The following MAML2 variants were observed in gnomAD, a reference collection of about 807,000 sequenced individuals.
MAML2 encodes mastermind like transcriptional coactivator 2.
Under a neutral mutation model 96.1 loss-of-function variants are expected in MAML2, and 22 were observed. The observed-to-expected ratio is 0.23, with a 90% CI of 0.16 to 0.33. The LOEUF (loss-of-function observed/expected upper bound fraction) is 0.33. MAML2 is among the 10% of genes least tolerant of loss of function. MAML2 has a pLI of 1.00. For synonymous variants in MAML2, 561 were observed against 521.3 expected (o/e 1.08, Z -1.04); for missense variants, 1,367 against 1,392.4 (o/e 0.98, Z 0.29).
intron 2 of MAML2, among the ~76,000 whole-genome samples, chr11:96,075,192 C>A (rs1395258295): frequency 3.9e-5 from 6 of 152,106 alleles, no homozygotes; most frequent in Non-Finnish European, 8.8e-5. Context: ...CATAATATTC[C>A]CCCAAGTGAA....
intron 1 of MAML2, among the ~76,000 whole-genome samples, chr11:96,191,567 G>A (rs1817960272): frequency 6.6e-6 from 1 of 151,734 alleles, no homozygotes; most frequent in African/African-American, 2.4e-5. Flanking sequence ...GAGGTCAAGA[G>A]ATGGAGACCA....
At chr11:96,105,352 C>T (rs998635522) in intron 1 of MAML2, among the ~76,000 whole-genome samples, 8 of 152,192 alleles carry the variant, frequency 5.3e-5, no homozygotes, top group South Asian at 2.1e-4. Context: ...CAATTCTCCC[C>T]TCAATGCACA....
chr11:96,106,980 CTTTT>C (rs71040129), intron 1 of MAML2, among the ~76,000 whole-genome samples: 1 of 90,298 alleles, frequency 1.1e-5, no homozygotes, highest in Non-Finnish European at 2.0e-5. Flanking sequence ...GAAAAGAGTC[CTTTT>C]TTTTTTTTTG....
At position 95,978,223 on chromosome 11, in the gene MAML2, T is replaced by G. The variant is rs1423365310; in HGVS notation, c.*725A>C. ...GGACAAGTCTTTGTTATATCTAAAA[T>G]TTCATTTGGAATGGATTCAGATATT... is the stretch of plus-strand genomic sequence containing the variant. On this transcript the variant is annotated 3_prime_UTR_variant, in exon 5 of 5. Transcript: ENST00000524717. 4.8e-6 allele frequency: 1 copy of G among 208,402 alleles called. No individual in the cohort carries two copies. Among genetic ancestry groups the G allele is most frequent in the Non-Finnish European group, 9.8e-6 (1 of 102,358 alleles). 12.9% of individuals were successfully genotyped at this position (208,402 alleles called of 1,614,324 possible). A position where few individuals can be genotyped will look rare whatever the true frequency, so the allele number is the denominator to read the frequency against.
chr11:96,274,220 C>T (rs1179005927), intron 1 of MAML2, among the ~76,000 whole-genome samples: 1 of 151,866 alleles, frequency 6.6e-6, no homozygotes, highest in African/African-American at 2.4e-5. Flanking sequence ...CTAGCTGGGA[C>T]CACAGGAGCC....
At chr11:96,297,833 T>A (rs1298170281) in intron 1 of MAML2, among the ~76,000 whole-genome samples, 2 of 152,212 alleles carry the variant, frequency 1.3e-5, no homozygotes, top group African/African-American at 4.8e-5. Flanking sequence ...TTACTTAGTA[T>A]GCATCTCTAA....
chr11:96,330,906 G>C (rs1863845103), intron 1 of MAML2, among the ~76,000 whole-genome samples: 1 of 152,152 alleles, frequency 6.6e-6, no homozygotes, highest in African/African-American at 2.4e-5. Flanking sequence ...TCCATTTTTT[G>C]ATGCCAGGAG....
At chr11:96,309,819 C>T (rs765078199) in intron 1 of MAML2, among the ~76,000 whole-genome samples, 3 of 151,984 alleles carry the variant, frequency 2.0e-5, no homozygotes, top group Non-Finnish European at 2.9e-5. Flanking sequence ...CCACCTCAGC[C>T]TCCCACGTAG....
intron 3 of MAML2, among the ~76,000 whole-genome samples, chr11:95,990,756 A>G (rs1159026801): frequency 6.6e-6 from 1 of 152,100 alleles, no homozygotes; most frequent in Non-Finnish European, 1.5e-5. Context: ...TTTTGTTGTT[A>G]TCTTTTCTGT....
chr11:96,066,919 T>G (rs1859253350), intron 2 of MAML2, among the ~76,000 whole-genome samples: 1 of 152,120 alleles, frequency 6.6e-6, no homozygotes, highest in African/African-American at 2.4e-5. Context: ...CTTGGTGCAT[T>G]CTGGGAAGGC....
In MAML2 at chr11:96,092,216, C is replaced by CTGCTGCTGA; in HGVS notation, c.1814_1815insTCAGCAGCA (p.Gln604_Gln605insHisGlnGln). 1 of 37,196 alleles carries CTGCTGCTGA rather than the reference C, an allele frequency of 2.7e-5. No individual in the cohort carries two copies. The highest frequency in any genetic ancestry group is 0.016 in the East Asian group (1 of 64). 2.3% of individuals were successfully genotyped at this position (37,196 alleles called of 1,614,324 possible). A position where few individuals can be genotyped will look rare whatever the true frequency, so the allele number is the denominator to read the frequency against. ...GTTGCTGCTGCTGCTGCTGTTGCTG[C>CTGCTGCTGA]TGCTGCTGCTGCTGCTGCTGCTGCT... On this transcript the variant is annotated inframe_insertion, in exon 2 of 5. Coordinates refer to ENST00000524717, the MANE Select transcript of MAML2 (RefSeq NM_032427.4). This position sits in a 1 kb window ranked among gnomAD's most constrained non-coding sequence, Gnocchi z 4.1.
At chr11:96,191,634 T>C (rs960775454) in intron 1 of MAML2, among the ~76,000 whole-genome samples, 3 of 151,034 alleles carry the variant, frequency 2.0e-5, no homozygotes, top group African/African-American at 7.3e-5. Flanking sequence ...TAGCCGGGCA[T>C]GGTGGCGGGC....
chr11:96,025,639 C>T (rs1388171271), intron 2 of MAML2, among the ~76,000 whole-genome samples: 1 of 152,190 alleles, frequency 6.6e-6, no homozygotes, highest in Non-Finnish European at 1.5e-5. Flanking sequence ...CTGCAACCTC[C>T]ACCTCCCGGG....
intron 1 of MAML2, among the ~76,000 whole-genome samples, chr11:96,230,488 G>A (rs895052216): frequency 3.3e-5 from 5 of 152,134 alleles, no homozygotes; most frequent in South Asian, 2.1e-4. Context: ...GAAGAACAAG[G>A]TTGTAACTTA....
intron 2 of MAML2, among the ~76,000 whole-genome samples, chr11:96,016,418 T>A (rs1289732266): frequency 6.6e-6 from 1 of 152,126 alleles, no homozygotes; most frequent in Non-Finnish European, 1.5e-5. Flanking sequence ...CTGGTGGTGA[T>A]CAGATTACCA....
Position 96,317,816 on chromosome 11 carries a change from G to T in MAML2, c.513+23567C>A, listed in dbSNP as rs79463964. Among the ~76,000 whole-genome samples, 49 of 152,334 alleles carry T rather than the reference G, an allele frequency of 3.2e-4. No homozygotes were observed. In the East Asian group the frequency reaches 7.9e-3, roughly 25 times the overall value. On this transcript the variant is annotated intron_variant, in intron 1 of 4. Coordinates refer to ENST00000524717, the MANE Select transcript of MAML2 (RefSeq NM_032427.4). Reference sequence around the variant, plus strand: ...GGGCACCTGCGTCTTTCTTCTCCAGGTTCCTTTGCTGACAGATGACTTATT... The same window carrying T: ...GGGCACCTGCGTCTTTCTTCTCCAGTTTCCTTTGCTGACAGATGACTTATT...
At position 96,322,004 on chromosome 11, in the gene MAML2, T is replaced by C. The variant is rs544950745; in HGVS notation, c.513+19379A>G. On this transcript the variant is annotated intron_variant, in intron 1 of 4. Transcript: ENST00000524717. ...TTATAGCAACTTTTCAACAGCTAAATTGCTTTTGGTAAATATGAGTAAAGA... is the reference window on the plus strand; with the variant it reads ...TTATAGCAACTTTTCAACAGCTAAACTGCTTTTGGTAAATATGAGTAAAGA... Among the ~76,000 whole-genome samples, 108 of 152,150 alleles carry C rather than the reference T, an allele frequency of 7.1e-4. 2 individuals are homozygous for C. The highest frequency in any genetic ancestry group is 4.0e-4 in the Non-Finnish European group (27 of 68,026).
intron 1 of MAML2, among the ~76,000 whole-genome samples, chr11:96,132,784 T>C (rs899806909): frequency 1.3e-5 from 2 of 152,232 alleles, no homozygotes; most frequent in African/African-American, 4.8e-5. Context: ...AATTCATCAG[T>C]GTATTTGGGT....
At chr11:96,275,269 A>ATTTTTTTTTTTT (rs56407815) in intron 1 of MAML2, among the ~76,000 whole-genome samples, 1 of 111,740 alleles carries the variant, frequency 8.9e-6, no homozygotes, top group African/African-American at 3.9e-5. Flanking sequence ...ACACTAAGGA[A>ATTTTTTTTTTTT]TTTTTTTTTT....
Sources: gnomAD v4.1 joint callset for allele counts (sites outside exome capture counted in the v4.1 genomes callset) on GRCh38, gnomAD v4.1.1 for gene constraint, Gnocchi (gnomAD v3.1) non-coding constraint, MANE v1.5 for transcripts, NCBI Gene and HGNC (gene_info 2026-07-23, HGNC 2026-07-21) for gene names.